Variants in LRBA observed in about 807,000 individuals in gnomAD.
The protein encoded by LRBA is lipopolysaccharide-responsive and beige-like anchor protein.
LRBA carries 176 observed loss-of-function variants against 330.0 expected under a neutral mutation model. The ratio of observed to expected loss-of-function variants is 0.53; its 90% CI spans 0.47 to 0.60. LRBA has a LOEUF of 0.60. Among genes scored for constraint, LRBA ranks in the 20% least tolerant of loss-of-function variants. The probability of loss-of-function intolerance (pLI) is 0.00; values close to 1 mark genes in which losing one functional copy is unlikely to be tolerated. For missense variants in LRBA, 3,259 were observed against 3,444.8 expected, an observed-to-expected ratio of 0.95 and a Z score of 1.35; for synonymous variants, 1,230 against 1,193.0, an observed-to-expected ratio of 1.03 and a Z score of -0.64.
At chr4:150,344,280 A>G (rs554692935) in intron 48 of LRBA, among the ~76,000 whole-genome samples, 1 of 152,342 alleles carries the variant, frequency 6.6e-6, no homozygotes, top group Admixed American at 6.5e-5. Flanking sequence ...AAACTATCAT[A>G]AACTTTAAAT....
intron 31 of LRBA, among the ~76,000 whole-genome samples, chr4:150,810,360 A>C (rs1471159945): frequency 1.3e-5 from 2 of 152,184 alleles, no homozygotes; most frequent in African/African-American, 4.8e-5. Flanking sequence ...AAATGAACTT[A>C]ACTGTAGTTA....
At chr4:150,703,267 C>G (rs570916307) in intron 36 of LRBA, among the ~76,000 whole-genome samples, 1 of 152,344 alleles carries the variant, frequency 6.6e-6, no homozygotes, top group Non-Finnish European at 1.5e-5. Flanking sequence ...TACTTTCTTA[C>G]TTGCTGTATC....
intron 53 of LRBA, among the ~76,000 whole-genome samples, chr4:150,291,976 A>C (rs1728355544): frequency 6.6e-6 from 1 of 152,224 alleles, no homozygotes; most frequent in African/African-American, 2.4e-5. Flanking sequence ...CGCAAGAACA[A>C]AAAACCAAAC....
intron 34 of LRBA, among the ~76,000 whole-genome samples, chr4:150,772,158 T>G (rs571245116): frequency 6.6e-6 from 1 of 152,316 alleles, no homozygotes; most frequent in East Asian, 1.9e-4. Context: ...CTCCTCAAAG[T>G]TCTGTCCACT....
chr4:150,827,040 G>C (rs72719640), intron 30 of LRBA, among the ~76,000 whole-genome samples: 18 of 152,296 alleles, frequency 1.2e-4, no homozygotes, highest in African/African-American at 4.3e-4. Flanking sequence ...GGGGTGAAGG[G>C]TTTCAAGATA....
chr4:150,443,275 T>A (rs7695993), intron 44 of LRBA, among the ~76,000 whole-genome samples: 2 of 151,944 alleles, frequency 1.3e-5, no homozygotes, highest in Non-Finnish European at 2.9e-5. Context: ...TCAACCATTG[T>A]GGAAGGCAGG....
rs1322543866 is a variant in LRBA at position 150,302,648 on chromosome 4, C to G, written c.7994G>C (p.Ser2665Thr). Residue 2665 changes from serine to threonine, a missense_variant, in exon 53 of 57, where the codon AGT becomes ACT. Coordinates refer to ENST00000651943, the MANE Select transcript of LRBA (RefSeq NM_001364905.1). ...LLLWYWNGKC[S>T]GIGDNPGSET... ...ACTGCCTGGGTTATCTCCAATCCCACTGCATTTTCCATTCCAATACCACAG... is the reference window on the plus strand; with the variant it reads ...ACTGCCTGGGTTATCTCCAATCCCAGTGCATTTTCCATTCCAATACCACAG... 6.2e-7 allele frequency: 1 copy of G among 1,610,660 alleles called. No homozygotes were observed. The highest frequency in any genetic ancestry group is 8.5e-7 in the Non-Finnish European group (1 of 1,178,246).
intron 37 of LRBA, among the ~76,000 whole-genome samples, chr4:150,631,298 C>T: frequency 6.6e-6 from 1 of 151,952 alleles, no homozygotes; most frequent in East Asian, 1.9e-4. Flanking sequence ...GTTGCTGCTG[C>T]TACTACTACC....
At chr4:150,342,639 G>A (rs1336812648) in intron 48 of LRBA, among the ~76,000 whole-genome samples, 1 of 152,088 alleles carries the variant, frequency 6.6e-6, no homozygotes, top group African/African-American at 2.4e-5. Context: ...ATCGTTTAGT[G>A]CTCTTTTTAT....
At chr4:150,832,881 T>TGCCTCA (rs1181883595) in intron 28 of LRBA, among the ~76,000 whole-genome samples, 2 of 152,150 alleles carry the variant, frequency 1.3e-5, no homozygotes, top group African/African-American at 4.8e-5. Context: ...GAGATCTTCC[T>TGCCTCA]GCCTCAGCCT....
chr4:150,749,843 G>A (rs1733303036), intron 35 of LRBA, among the ~76,000 whole-genome samples: 1 of 151,744 alleles, frequency 6.6e-6, no homozygotes, highest in African/African-American at 2.4e-5. Context: ...TACTGAATAT[G>A]GTTTAATCCA....
chr4:150,911,701 G>A (rs779015921), intron 9 of LRBA, among the ~76,000 whole-genome samples: 2 of 152,008 alleles, frequency 1.3e-5, no homozygotes, highest in Non-Finnish European at 2.9e-5. Context: ...GGTAACACTG[G>A]CCTCATAAAA....
At chr4:150,805,285 G>GGAGGAAAGGAAAGGA (rs1742450012) in intron 33 of LRBA, among the ~76,000 whole-genome samples, 1 of 39,210 alleles carries the variant, frequency 2.6e-5, no homozygotes, top group Non-Finnish European at 4.9e-5. Context: ...AAGGAAAGGA[G>GGAGGAAAGGAAAGGA]AAGGAAAGGA....
At chr4:150,809,856 ATACGATACGATACG>A (rs1743373429) in intron 31 of LRBA, among the ~76,000 whole-genome samples, 2 of 4,560 alleles carry the variant, frequency 4.4e-4, no homozygotes, top group African/African-American at 2.3e-3. Flanking sequence ...TTAAAATACG[ATACGATACGATACG>A]ATACGATACG....
At chr4:150,546,660 T>G (rs2152236465) in intron 40 of LRBA, among the ~76,000 whole-genome samples, 1 of 152,322 alleles carries the variant, frequency 6.6e-6, no homozygotes, top group East Asian at 1.9e-4. Flanking sequence ...CATTTAGCCT[T>G]ACCACAATCC....
At chr4:150,830,332 G>C (rs1746980980) in intron 29 of LRBA, among the ~76,000 whole-genome samples, 1 of 152,122 alleles carries the variant, frequency 6.6e-6, no homozygotes, top group South Asian at 2.1e-4. Flanking sequence ...GCTTATTTCT[G>C]ATCTACCTTG....
intron 36 of LRBA, among the ~76,000 whole-genome samples, chr4:150,693,490 G>A (rs1163951793): frequency 3.4e-5 from 5 of 147,672 alleles, no homozygotes; most frequent in African/African-American, 9.9e-5. Context: ...CGTGAACCCG[G>A]GAGGCGGAGC....
At chr4:150,841,057 T>C (rs959007550) in intron 28 of LRBA, 3 of 1,089,776 alleles carry the variant, frequency 2.8e-6, no homozygotes, top group African/African-American at 1.6e-5. Context: ...TCTTAGTCTG[T>C]TGGAAAAAAC....
At chr4:150,624,243 A>G (rs1380609641) in intron 37 of LRBA, among the ~76,000 whole-genome samples, 2 of 152,044 alleles carry the variant, frequency 1.3e-5, no homozygotes, top group Admixed American at 6.6e-5. Context: ...ATTTGAATTC[A>G]GAATATGAAA....
Sources: allele counts gnomAD v4.1 joint callset (sites outside exome capture counted in the v4.1 genomes callset), GRCh38; gene constraint gnomAD v4.1.1; transcripts MANE v1.5; gene names NCBI Gene and HGNC (gene_info 2026-07-23, HGNC 2026-07-21).